The following ST6GALNAC5 variants were observed in gnomAD, a reference collection of about 807,000 sequenced individuals.
ST6GALNAC5 encodes alpha-N-acetylgalactosaminide alpha-2,6-sialyltransferase 5.
A neutral mutation model predicts 33.6 loss-of-function variants in ST6GALNAC5; 27 were observed. The observed-to-expected ratio is 0.80, with a 90% confidence interval of 0.59 to 1.11. The LOEUF is 1.11. Ranked by LOEUF, ST6GALNAC5 falls within the 50% of genes least tolerant of loss-of-function variation. The pLI, the probability that ST6GALNAC5 is intolerant of heterozygous loss-of-function variation, is 0.00. For synonymous variants in ST6GALNAC5, 194 were observed against 171.2 expected, an observed-to-expected ratio of 1.13 and a Z score of -1.04; for missense variants, 428 against 454.0, an observed-to-expected ratio of 0.94 and a Z score of 0.52.
At chr1:76,997,556 G>A (rs1354439601) in intron 2 of ST6GALNAC5, among the ~76,000 whole-genome samples, 1 of 152,120 alleles carries the variant, frequency 6.6e-6, no homozygotes, top group Non-Finnish European at 1.5e-5. Context: ...TAAGATCCAG[G>A]CAACCAAATT....
At chr1:76,941,913 C>T (rs1419225616) in intron 2 of ST6GALNAC5, among the ~76,000 whole-genome samples, 1 of 152,088 alleles carries the variant, frequency 6.6e-6, no homozygotes, top group Non-Finnish European at 1.5e-5. Context: ...TGCAAGGTGG[C>T]CCTCCTCTGA....
At chr1:77,045,413 G>A (rs1300522935) in intron 3 of ST6GALNAC5, among the ~76,000 whole-genome samples, 1 of 152,188 alleles carries the variant, frequency 6.6e-6, no homozygotes, top group Admixed American at 6.5e-5. Context: ...TCAAAGTGAT[G>A]AAAATGTTCT....
At chr1:76,910,829 C>T (rs1363335789) in intron 2 of ST6GALNAC5, among the ~76,000 whole-genome samples, 1 of 151,758 alleles carries the variant, frequency 6.6e-6, no homozygotes, top group Non-Finnish European at 1.5e-5. Context: ...TAAAATTCTG[C>T]TCCTCTGACT....
At chr1:76,996,622 A>G (rs928512341) in intron 2 of ST6GALNAC5, among the ~76,000 whole-genome samples, 25 of 152,194 alleles carry the variant, frequency 1.6e-4, no homozygotes, top group African/African-American at 5.3e-4. Context: ...CATTCTGCAC[A>G]AGTGTTAAGG....
chr1:77,055,746 A>T (rs1283527002), intron 4 of ST6GALNAC5, among the ~76,000 whole-genome samples: 1 of 151,752 alleles, frequency 6.6e-6, no homozygotes, highest in Non-Finnish European at 1.5e-5. Flanking sequence ...GCCCCATCTC[A>T]CTGATTGGTT....
intron 2 of ST6GALNAC5, among the ~76,000 whole-genome samples, chr1:76,914,886 C>A (rs1646953235): frequency 1.3e-5 from 2 of 151,996 alleles, no homozygotes; most frequent in Non-Finnish European, 2.9e-5. Flanking sequence ...AAAGAAACTA[C>A]CATCAGAGTG....
At chr1:76,957,425 A>G (rs1463900832) in intron 2 of ST6GALNAC5, among the ~76,000 whole-genome samples, 2 of 152,208 alleles carry the variant, frequency 1.3e-5, no homozygotes, top group Non-Finnish European at 2.9e-5. Context: ...CTAATTCAGT[A>G]TGACCTCATC....
Position 77,065,047 on chromosome 1 carries a change from A to T in ST6GALNAC5, c.*1841A>T, listed in dbSNP as rs1652728016. Reference sequence around the variant, plus strand: ...CAAAACATACTGGAATATGTTCTTTAAGTTTTCTCATAGTTTTTAAAGGGA... The same window carrying T: ...CAAAACATACTGGAATATGTTCTTTTAGTTTTCTCATAGTTTTTAAAGGGA... On this transcript the variant is annotated 3_prime_UTR_variant, in exon 5 of 5. Transcript: ENST00000477717. The T allele has an allele frequency of 6.6e-6, 1 of 152,186 alleles. No individual in the cohort carries two copies. Among genetic ancestry groups the T allele is most frequent in the African/African-American group, 2.4e-5 (1 of 41,440 alleles). 9.4% of individuals were successfully genotyped at this position (152,186 alleles called of 1,614,324 possible).
intron 2 of ST6GALNAC5, among the ~76,000 whole-genome samples, chr1:77,002,583 A>G (rs61785610): frequency 6.9e-6 from 1 of 144,656 alleles, no homozygotes; most frequent in African/African-American, 2.5e-5. Flanking sequence ...TTGTGATGTT[A>G]GGGTGTCAAT....
chr1:77,004,853 A>C (rs1226970598), intron 2 of ST6GALNAC5, among the ~76,000 whole-genome samples: 1 of 134,246 alleles, frequency 7.4e-6, no homozygotes, highest in African/African-American at 2.5e-5. Flanking sequence ...GCCCGTTCTC[A>C]GATCTCCAGC....
chr1:76,873,789 GT>G (rs1306449617), intron 2 of ST6GALNAC5, among the ~76,000 whole-genome samples: 1 of 152,176 alleles, frequency 6.6e-6, no homozygotes, highest in Non-Finnish European at 1.5e-5. Flanking sequence ...TGTTTGAAAT[GT>G]TTTTAATCAT....
chr1:77,017,354 T>C (rs963725329), intron 2 of ST6GALNAC5, among the ~76,000 whole-genome samples: 1 of 152,078 alleles, frequency 6.6e-6, no homozygotes, highest in Non-Finnish European at 1.5e-5. Flanking sequence ...GAGAGTAGAA[T>C]TGGTAGCTCT....
At chr1:76,968,887 T>TA (rs1444977615) in intron 2 of ST6GALNAC5, among the ~76,000 whole-genome samples, 4 of 152,196 alleles carry the variant, frequency 2.6e-5, no homozygotes, top group Non-Finnish European at 4.4e-5. Flanking sequence ...TTCTTTTCTT[T>TA]AAGAATGTTG....
intron 2 of ST6GALNAC5, among the ~76,000 whole-genome samples, 186 bp from the exon 3 acceptor site, chr1:77,044,018 C>G (rs1207482013): frequency 1.3e-5 from 2 of 152,070 alleles, no homozygotes; most frequent in East Asian, 3.9e-4. Context: ...TCCATTGTTC[C>G]CTGTCACCCA....
chr1:77,032,063 T>A (rs1035212783), intron 2 of ST6GALNAC5, among the ~76,000 whole-genome samples: 1 of 152,146 alleles, frequency 6.6e-6, no homozygotes, highest in African/African-American at 2.4e-5. Context: ...AATATTATTA[T>A]TATCTCAGTT....
chr1:76,970,992 A>T (rs1229901088), intron 2 of ST6GALNAC5, among the ~76,000 whole-genome samples: 2 of 151,966 alleles, frequency 1.3e-5, no homozygotes, highest in African/African-American at 4.8e-5. Context: ...TTCTTTCTTG[A>T]TTGCACTGTA....
At position 76,898,916 on chromosome 1, in the gene ST6GALNAC5, G is replaced by A. The variant is rs527934739; in HGVS notation, c.261+30174G>A. 2.1e-3 allele frequency among the ~76,000 whole-genome samples: 319 copies of A among 152,258 alleles called. 1 individual carries two copies. Among genetic ancestry groups the A allele is most frequent in the Middle Eastern group, 0.014 (4 of 294 alleles). On this transcript the variant is annotated intron_variant, in intron 2 of 4. Transcript: ENST00000477717. ...GATTAGAAAGACTCAGTGACACTTG[G>A]GGTTGGGACTGAGGGGACAGGTGGG... is the stretch of plus-strand genomic sequence containing the variant.
chr1:76,987,530 G>C (rs1177520544), intron 2 of ST6GALNAC5, among the ~76,000 whole-genome samples: 1 of 152,112 alleles, frequency 6.6e-6, no homozygotes, highest in Non-Finnish European at 1.5e-5. Context: ...AAGCAGCCTG[G>C]CTGTTTCTCA....
intron 2 of ST6GALNAC5, among the ~76,000 whole-genome samples, chr1:76,959,041 T>A (rs987088617): frequency 8.5e-5 from 13 of 152,200 alleles, no homozygotes; most frequent in African/African-American, 2.7e-4. Flanking sequence ...CCGGCTGACT[T>A]TCGGCTCCAG....
Sources: gnomAD v4.1 joint callset for allele counts (sites outside exome capture counted in the v4.1 genomes callset) on GRCh38, gnomAD v4.1.1 for gene constraint, MANE v1.5 for transcripts, NCBI Gene and HGNC (gene_info 2026-07-23, HGNC 2026-07-21) for gene names.